Variants in SPAG16 observed in about 807,000 individuals in gnomAD.
SPAG16 encodes sperm associated antigen 16.
SPAG16 carries 86 observed loss-of-function variants against 80.4 expected under a neutral mutation model. That is an observed-to-expected ratio of 1.07 (90% confidence interval 0.90 to 1.28). The LOEUF (loss-of-function observed/expected upper bound fraction) is 1.28. SPAG16 is among the 50% of genes most tolerant of loss of function. The pLI, the probability that SPAG16 is intolerant of heterozygous loss-of-function variation, is 0.00. For missense variants in SPAG16, 870 were observed against 765.3 expected (o/e 1.14, Z -1.61); for synonymous variants, 294 against 265.9 (o/e 1.11, Z -1.03).
intron 12 of SPAG16, among the ~76,000 whole-genome samples, chr2:213,975,235 G>C (rs1219691495): frequency 6.6e-6 from 1 of 150,792 alleles, no homozygotes; most frequent in Admixed American, 6.6e-5. Context: ...AAATAATATA[G>C]TTTATTTTCA....
chr2:214,113,366 T>C (rs1239105700), intron 14 of SPAG16, among the ~76,000 whole-genome samples: 1 of 152,204 alleles, frequency 6.6e-6, no homozygotes, highest in Admixed American at 6.5e-5. Flanking sequence ...TGTTGTTGAA[T>C]GCCTTGCTAG....
Position 214,352,200 on chromosome 2 carries a change from A to G in SPAG16, c.1721-57940A>G, listed in dbSNP as rs1488969258. 9.2e-5 allele frequency among the ~76,000 whole-genome samples: 14 copies of G among 152,284 alleles called. No individual in the cohort carries two copies. In the East Asian group the frequency reaches 2.3e-3, roughly 25 times the overall value. On this transcript the variant is annotated intron_variant, in intron 15 of 15. Coordinates refer to ENST00000331683, the MANE Select transcript of SPAG16 (RefSeq NM_024532.5). ...ACATTGGGCATTATAATTTCAACAT[A>G]TGAATCAGGAGAGACACCAAACAGA... is the stretch of plus-strand genomic sequence containing the variant.
rs377564337 is a variant in SPAG16, at chr2:213,811,708, A to C, written c.1071-50777A>C. On this transcript the variant is annotated intron_variant, in intron 10 of 15. Coordinates refer to ENST00000331683, the MANE Select transcript of SPAG16 (RefSeq NM_024532.5). ...TGCATTCTTCCCAGCTACGGCATTCAGTCAGGTTAGTGGTTGAGAACTGAA... is the reference window on the plus strand; with the variant it reads ...TGCATTCTTCCCAGCTACGGCATTCCGTCAGGTTAGTGGTTGAGAACTGAA... Among the ~76,000 whole-genome samples, 13 of 152,306 alleles carry C rather than the reference A, an allele frequency of 8.5e-5. No homozygotes were observed. The East Asian group carries it at 1.9e-3, about 23-fold the overall frequency.
chr2:213,870,493 C>T (rs1403039329), intron 11 of SPAG16, among the ~76,000 whole-genome samples: 3 of 152,316 alleles, frequency 2.0e-5, no homozygotes, highest in African/African-American at 7.2e-5. Context: ...TCTGGTTATA[C>T]ACAAGATGCG....
intron 10 of SPAG16, among the ~76,000 whole-genome samples, chr2:213,595,267 T>G (rs1295144260): frequency 6.6e-6 from 1 of 152,156 alleles, no homozygotes; most frequent in African/African-American, 2.4e-5. Context: ...TCAATGTAAC[T>G]CTCATGCAAT....
intron 15 of SPAG16, among the ~76,000 whole-genome samples, chr2:214,272,766 C>A (rs1692131438): frequency 6.6e-6 from 1 of 152,140 alleles, no homozygotes; most frequent in Non-Finnish European, 1.5e-5. Context: ...GTGCATGTGT[C>A]TTTACAGTAG....
intron 10 of SPAG16, among the ~76,000 whole-genome samples, chr2:213,650,377 T>C (rs939054830): frequency 6.6e-5 from 10 of 152,196 alleles, no homozygotes; most frequent in Non-Finnish European, 1.5e-4. Context: ...TAACTGAACA[T>C]AGACTTAGTC....
chr2:214,095,910 G>A (rs2125337916), intron 13 of SPAG16, among the ~76,000 whole-genome samples: 1 of 151,660 alleles, frequency 6.6e-6, no homozygotes, highest in Non-Finnish European at 1.5e-5. Context: ...TGTTTCTATG[G>A]GGGAAAATAA....
At chr2:213,465,628 C>G (rs1363720408) in intron 9 of SPAG16, among the ~76,000 whole-genome samples, 1 of 152,188 alleles carries the variant, frequency 6.6e-6, no homozygotes, top group African/African-American at 2.4e-5. Flanking sequence ...TAGCCAGAGA[C>G]TCCCCTTAGA....
At chr2:214,158,831 A>C (rs2056323693) in intron 15 of SPAG16, among the ~76,000 whole-genome samples, 1 of 152,056 alleles carries the variant, frequency 6.6e-6, no homozygotes, top group African/African-American at 2.4e-5. Context: ...GAAATTGTTT[A>C]CAAAGCAACT....
chr2:213,812,638 A>AT (rs1313193816), intron 10 of SPAG16, among the ~76,000 whole-genome samples: 1 of 151,792 alleles, frequency 6.6e-6, no homozygotes, highest in African/African-American at 2.4e-5. Context: ...ACATGCTAGG[A>AT]TTTTTTTTCT....
intron 10 of SPAG16, among the ~76,000 whole-genome samples, chr2:213,798,274 G>A (rs1238312531): frequency 1.3e-5 from 2 of 151,628 alleles, no homozygotes; most frequent in African/African-American, 4.9e-5. Flanking sequence ...TGTTTGTTTT[G>A]AGATGAAGTC....
intron 10 of SPAG16, among the ~76,000 whole-genome samples, chr2:213,507,340 G>A (rs1014705129): frequency 3.9e-5 from 6 of 152,148 alleles, no homozygotes; most frequent in African/African-American, 1.4e-4. Context: ...GTATTGCATA[G>A]TACAAATAAA....
chr2:214,303,148 ATTTTGT>A (rs1364505503), intron 15 of SPAG16, among the ~76,000 whole-genome samples: 1 of 152,170 alleles, frequency 6.6e-6, no homozygotes, highest in Non-Finnish European at 1.5e-5. Flanking sequence ...TATATGTGAA[ATTTTGT>A]TCCTGTCATA....
At chr2:214,112,904 T>C (rs1388669038) in intron 14 of SPAG16, among the ~76,000 whole-genome samples, 2 of 152,206 alleles carry the variant, frequency 1.3e-5, no homozygotes, top group Non-Finnish European at 2.9e-5. Context: ...TTGATGCAGT[T>C]TCTTCATATC....
chr2:213,581,392 T>A (rs2060293466), intron 10 of SPAG16, among the ~76,000 whole-genome samples: 1 of 151,894 alleles, frequency 6.6e-6, no homozygotes, highest in African/African-American at 2.4e-5. Context: ...AATTTTAAAA[T>A]TTTTTTTGTA....
At chr2:214,179,376 C>A (rs1295041532) in intron 15 of SPAG16, among the ~76,000 whole-genome samples, 2 of 151,246 alleles carry the variant, frequency 1.3e-5, no homozygotes. Context: ...GAAACCCCAG[C>A]GTATATACTG....
chr2:213,833,985 G>C (rs915731416), intron 10 of SPAG16, among the ~76,000 whole-genome samples: 8 of 151,948 alleles, frequency 5.3e-5, no homozygotes, highest in Non-Finnish European at 1.0e-4. Context: ...TTGTGGAAGG[G>C]GCCCAGGGAG....
intron 10 of SPAG16, among the ~76,000 whole-genome samples, chr2:213,674,551 C>G (rs538174723): frequency 6.7e-6 from 1 of 149,068 alleles, no homozygotes; most frequent in South Asian, 2.1e-4. Flanking sequence ...CACCCCACAA[C>G]AGTCCCCAGA....
Sources: gnomAD v4.1 joint callset for allele counts (sites outside exome capture counted in the v4.1 genomes callset) on GRCh38, gnomAD v4.1.1 for gene constraint, MANE v1.5 for transcripts, NCBI Gene and HGNC (gene_info 2026-07-23, HGNC 2026-07-21) for gene names.